The following ZNF276 variants were observed in gnomAD, a reference collection of about 807,000 sequenced individuals.
ZNF276 encodes the protein centromere protein Z.
A neutral mutation model predicts 63.9 loss-of-function variants in ZNF276; 59 were observed. The ratio of observed to expected loss-of-function variants is 0.92; its 90% CI spans 0.75 to 1.15. The LOEUF (loss-of-function observed/expected upper bound fraction) is 1.15. Among genes scored for constraint, ZNF276 ranks in the 50% most tolerant of loss-of-function variants. ZNF276 has a pLI of 0.00. For missense variants in ZNF276, 1,084 were observed against 843.8 expected (o/e 1.28, Z -3.53); for synonymous variants, 496 against 348.4 (o/e 1.42, Z -4.72).
intron 6 of ZNF276, chr16:89,732,783 C>T (rs2061704515): frequency 4.4e-6 from 1 of 227,368 alleles, no homozygotes; most frequent in Non-Finnish European, 9.1e-6. Context: ...CACCCTGACC[C>T]TGCTGTACCC....
At chr16:89,731,015 G>A (rs1185572756) in intron 6 of ZNF276, among the ~76,000 whole-genome samples, 10 of 152,236 alleles carry the variant, frequency 6.6e-5, no homozygotes, top group African/African-American at 2.4e-4. Flanking sequence ...CACCCGGTCC[G>A]CAAAGATTCC....
intron 1 of ZNF276, 81 bp downstream of exon 1, chr16:89,721,926 C>T: frequency 3.0e-6 from 3 of 986,220 alleles, no homozygotes; most frequent in Non-Finnish European, 3.9e-6. Flanking sequence ...CGCCCGGAAG[C>T]CGGCGCGGCC....
chr16:89,738,790 G>C lies in ZNF276; in HGVS notation c.*544G>C, dbSNP rs753048298. ...GGGAGGGGCTCTGGCAGAAATAGTC[G>C]AGTTGTATTGCCAGCCAGGCAGGCA... On this transcript the variant is annotated 3_prime_UTR_variant, in exon 11 of 11. Transcript: ENST00000443381. The C allele has an allele frequency of 6.8e-6, 11 of 1,612,974 alleles. No homozygotes were observed. Among genetic ancestry groups the C allele is most frequent in the African/African-American group, 1.3e-5 (1 of 74,918 alleles).
At chr16:89,722,858 A>T (rs778177952) in intron 2 of ZNF276, 24 bp downstream of exon 2, 1 of 1,591,752 alleles carries the variant, frequency 6.3e-7, no homozygotes, top group Non-Finnish European at 8.5e-7. Context: ...TGTTCAGAGC[A>T]CGTTCAGGCT....
Position 89,721,572 on chromosome 16 carries a change from A to G in ZNF276, c.-69A>G. ...GCTTCCAGCGCGCCGAGCGGAGCCTAACGCCGGGTCCTCTAGGAACCTCGG... is the reference window on the plus strand; with the variant it reads ...GCTTCCAGCGCGCCGAGCGGAGCCTGACGCCGGGTCCTCTAGGAACCTCGG... On this transcript the variant is annotated 5_prime_UTR_variant, in exon 1 of 11. Coordinates refer to ENST00000443381, the MANE Select transcript of ZNF276 (RefSeq NM_001113525.2). The G allele has an allele frequency of 7.1e-7, 1 of 1,414,786 alleles. No homozygotes were observed. The highest frequency in any genetic ancestry group is 9.3e-7 in the Non-Finnish European group (1 of 1,075,522). The allele number at this position is 1,414,786 out of a possible 1,614,324, so 87.6% of individuals were successfully genotyped here. A position where few individuals can be genotyped will look rare whatever the true frequency, so the allele number is the denominator to read the frequency against.
intron 2 of ZNF276, 146 bp downstream of exon 2, chr16:89,722,980 C>T (rs753812394): frequency 3.2e-5 from 50 of 1,568,914 alleles, no homozygotes; most frequent in Non-Finnish European, 4.1e-5. Flanking sequence ...AGCCCTGGGA[C>T]TGTTGTGGAG....
intron 1 of ZNF276, 103 bp from the exon 2 acceptor site, chr16:89,722,428 G>GA: frequency 7.3e-7 from 1 of 1,366,800 alleles, no homozygotes; most frequent in Non-Finnish European, 9.9e-7. Flanking sequence ...CGGGAGCCGC[G>GA]CGAAGGGCGC....
At chr16:89,723,058 T>G (rs1597963698) in intron 2 of ZNF276, 79 bp from the exon 3 acceptor site, 15 of 1,610,878 alleles carry the variant, frequency 9.3e-6, no homozygotes, top group Non-Finnish European at 1.2e-5. Context: ...AGGTTTGAGA[T>G]CTCGAGAGGG....
chr16:89,724,225 G>C (rs543355869), intron 4 of ZNF276, among the ~76,000 whole-genome samples: 194 of 152,234 alleles, frequency 1.3e-3, no homozygotes, highest in Non-Finnish European at 2.4e-3. Context: ...AGAACCCATA[G>C]CACTGTGGGC....
At chr16:89,729,134 G>A in intron 5 of ZNF276, 101 bp from the exon 6 acceptor site, 4 of 904,874 alleles carry the variant, frequency 4.4e-6, no homozygotes, top group East Asian at 2.4e-5. Context: ...ACTCAAATGT[G>A]GGACATGGGG....
At chr16:89,736,473 T>C (rs895197504) in intron 9 of ZNF276, among the ~76,000 whole-genome samples, 17 of 151,852 alleles carry the variant, frequency 1.1e-4, no homozygotes, top group Non-Finnish European at 2.5e-4. Flanking sequence ...TACAGGTGTG[T>C]GCCACCACAC....
chr16:89,726,128 G>C (rs1046228749), intron 4 of ZNF276, among the ~76,000 whole-genome samples: 2 of 152,298 alleles, frequency 1.3e-5, no homozygotes, highest in Non-Finnish European at 2.9e-5. Flanking sequence ...TGATTCTCCT[G>C]TCTCAGCCTC....
Position 89,739,245 on chromosome 16 carries a change from G to A in ZNF276, c.*999G>A. ...CATGTCCACAGCAACATGCAGGAAG[G>A]CCTCTTCCCTGATGGCCGCGTCTTC... On this transcript the variant is annotated 3_prime_UTR_variant, in exon 11 of 11. Transcript: ENST00000443381. 6.2e-7 allele frequency: 1 copy of A among 1,614,180 alleles called. No homozygotes were observed. Among genetic ancestry groups the A allele is most frequent in the Non-Finnish European group, 8.5e-7 (1 of 1,180,048 alleles).
chr16:89,737,930 C>G (rs751741235), intron 10 of ZNF276, 25 bp downstream of exon 10: 2 of 1,610,402 alleles, frequency 1.2e-6, no homozygotes, highest in East Asian at 2.2e-5. Flanking sequence ...GGACCCCCTC[C>G]CAGGGCTGTG....
Position 89,721,749 on chromosome 16 carries a change from A to T in ZNF276, c.109A>T (p.Ser37Cys). 7.6e-7 allele frequency: 1 copy of T among 1,311,406 alleles called. No individual in the cohort carries two copies. Among genetic ancestry groups the T allele is most frequent in the Non-Finnish European group, 9.7e-7 (1 of 1,032,672 alleles). The allele number at this position is 1,311,406 out of a possible 1,614,324, so 81.2% of individuals were successfully genotyped here. ...CCGGACTCGGGGCCGCCCTTCCCTTAGCGGTGGGCCGAGGGTGGACGGGGC... is the reference window on the plus strand; with the variant it reads ...CCGGACTCGGGGCCGCCCTTCCCTTTGCGGTGGGCCGAGGGTGGACGGGGC... ...VSRTRGRPSL[S>C]GGPRVDGATA... The change falls in exon 1 of 11, where the codon AGC becomes TGC. Residue 37 changes from serine (S) to cysteine (C), a missense_variant. Coordinates refer to ENST00000443381, the MANE Select transcript of ZNF276 (RefSeq NM_001113525.2).
intron 6 of ZNF276, among the ~76,000 whole-genome samples, chr16:89,730,341 G>C (rs951807408): frequency 6.6e-6 from 1 of 152,172 alleles, no homozygotes; most frequent in Non-Finnish European, 1.5e-5. Flanking sequence ...CCCACTCCGT[G>C]ACCCTCCGGG....
In ZNF276 at chr16:89,740,341, T is replaced by C; in HGVS notation, c.*2095T>C. 1 of 549,658 alleles carries C rather than the reference T, an allele frequency of 1.8e-6. No individual in the cohort carries two copies. The highest frequency in any genetic ancestry group is 2.1e-5 in the South Asian group (1 of 47,888). The allele number at this position is 549,658 out of a possible 1,614,324, so 34.0% of individuals were successfully genotyped here. A position where few individuals can be genotyped will look rare whatever the true frequency, so the allele number is the denominator to read the frequency against. ...TGCACCACGTCCTCAAATAAGACAT[T>C]AAAAGAAAGGCCCACAGGCCGGATG... On this transcript the variant is annotated 3_prime_UTR_variant, in exon 11 of 11. Coordinates refer to ENST00000443381, the MANE Select transcript of ZNF276 (RefSeq NM_001113525.2).
rs186497529 is a variant in ZNF276, at chr16:89,738,459, G to A, written c.*213G>A. On this transcript the variant is annotated 3_prime_UTR_variant, in exon 11 of 11. Transcript: ENST00000443381. ...ACGCTGAGTGACTCGGGGCCGGACA[G>A]TTCATAAATAATTGATTCCTTTCCC... 1 of 1,433,066 alleles carries A rather than the reference G, an allele frequency of 7.0e-7. No homozygotes were observed. The highest frequency in any genetic ancestry group is 9.6e-7 in the Non-Finnish European group (1 of 1,043,920). The allele number at this position is 1,433,066 out of a possible 1,614,324, so 88.8% of individuals were successfully genotyped here.
chr16:89,722,739 C>A lies in ZNF276; in HGVS notation c.414C>A (p.Ser138Arg). ...DPTLSPFVCK[S>R]CHAQFYQCHS... ...CCTTGTCTCCGTTTGTCTGCAAGAG[C>A]TGCCACGCCCAGTTCTACCAGTGCC... The change falls in exon 2 of 11, where the codon AGC becomes AGA. Residue 138 changes from serine to arginine, a missense_variant. Transcript: ENST00000443381. 6.2e-7 allele frequency: 1 copy of A among 1,611,918 alleles called. No individual in the cohort carries two copies. Among genetic ancestry groups the A allele is most frequent in the Non-Finnish European group, 8.5e-7 (1 of 1,180,036 alleles).
Sources: gnomAD v4.1 joint callset for allele counts (sites outside exome capture counted in the v4.1 genomes callset) on GRCh38, gnomAD v4.1.1 for gene constraint, MANE v1.5 for transcripts, NCBI Gene and HGNC (gene_info 2026-07-23, HGNC 2026-07-21) for gene names.